The following SLX4IP variants were observed in gnomAD, a reference collection of about 807,000 sequenced individuals.
SLX4IP encodes protein SLX4IP.
In SLX4IP, 34 loss-of-function variants were observed where a neutral mutation model predicts 32.9. That is an observed-to-expected ratio of 1.03 (90% CI 0.79 to 1.38). SLX4IP has a LOEUF of 1.38. Among genes scored for constraint, SLX4IP ranks in the 40% most tolerant of loss-of-function variants. The probability of loss-of-function intolerance (pLI) is 0.00; values close to 1 mark genes in which losing one functional copy is unlikely to be tolerated. For synonymous variants in SLX4IP, 172 were observed against 171.7 expected, an observed-to-expected ratio of 1.00 and a Z score of -0.01; for missense variants, 444 against 479.0, an observed-to-expected ratio of 0.93 and a Z score of 0.68.
intron 2 of SLX4IP, among the ~76,000 whole-genome samples, chr20:10,473,192 G>C (rs969514852): frequency 1.3e-5 from 2 of 152,218 alleles, no homozygotes; most frequent in Admixed American, 1.3e-4. Flanking sequence ...TACTTAGCTT[G>C]TGAACCAGGC....
intron 2 of SLX4IP, among the ~76,000 whole-genome samples, chr20:10,546,669 A>T (rs1285435963): frequency 3.3e-5 from 5 of 152,148 alleles, no homozygotes; most frequent in Non-Finnish European, 5.9e-5. Context: ...TTTCATTGCT[A>T]TCTCCATTTT....
At chr20:10,590,891 GCAAACTGA>G (rs1197121497) in intron 4 of SLX4IP, among the ~76,000 whole-genome samples, 1 of 152,168 alleles carries the variant, frequency 6.6e-6, no homozygotes, top group African/African-American at 2.4e-5. Flanking sequence ...GTTAGAGATT[GCAAACTGA>G]CAATATAAAG....
chr20:10,622,329 A>T (rs1785140736), intron 7 of SLX4IP, among the ~76,000 whole-genome samples: 2 of 152,324 alleles, frequency 1.3e-5, no homozygotes, highest in South Asian at 4.1e-4. Context: ...GGAAAAAAAA[A>T]ATCAGTATAT....
chr20:10,560,913 A>G (rs1484004369), intron 4 of SLX4IP, 93 bp downstream of exon 4: 1 of 1,218,484 alleles, frequency 8.2e-7, no homozygotes, highest in African/African-American at 1.6e-5. Flanking sequence ...CTGTCATGTT[A>G]GTATAGTGAT....
At chr20:10,453,742 A>C (rs901701536) in intron 1 of SLX4IP, among the ~76,000 whole-genome samples, 3 of 152,098 alleles carry the variant, frequency 2.0e-5, no homozygotes, top group African/African-American at 7.2e-5. Context: ...CACTTAAAAA[A>C]AATTTTTTTT....
chr20:10,510,812 G>A (rs1467012002), intron 2 of SLX4IP, among the ~76,000 whole-genome samples: 1 of 152,034 alleles, frequency 6.6e-6, no homozygotes, highest in South Asian at 2.1e-4. Context: ...CACCATGTTC[G>A]CCAGGATGGT....
At chr20:10,550,977 GCAGGTGTTT>G (rs1192834789) in intron 2 of SLX4IP, among the ~76,000 whole-genome samples, 2 of 152,198 alleles carry the variant, frequency 1.3e-5, no homozygotes, top group Admixed American at 6.5e-5. Context: ...GTGAAACTCA[GCAGGTGTTT>G]CAGATGATCA....
At chr20:10,518,391 C>CTT (rs2065868887) in intron 2 of SLX4IP, among the ~76,000 whole-genome samples, 1 of 104,802 alleles carries the variant, frequency 9.5e-6, no homozygotes, top group Non-Finnish European at 2.2e-5. Flanking sequence ...TTCCTTCTTC[C>CTT]TTTCTTTCTT....
At chr20:10,476,952 A>T (rs1469546193) in intron 2 of SLX4IP, among the ~76,000 whole-genome samples, 1 of 152,242 alleles carries the variant, frequency 6.6e-6, no homozygotes, top group Non-Finnish European at 1.5e-5. Context: ...TTTTGCAGTT[A>T]AGCTAGATTT....
intron 2 of SLX4IP, among the ~76,000 whole-genome samples, chr20:10,465,989 T>A (rs1003022021): frequency 4.6e-5 from 7 of 152,210 alleles, no homozygotes; most frequent in Non-Finnish European, 4.4e-5. Flanking sequence ...TGGGTTAAAC[T>A]GGCTGCAGGT....
At chr20:10,583,491 G>A (rs1013099439) in intron 4 of SLX4IP, among the ~76,000 whole-genome samples, 1 of 152,096 alleles carries the variant, frequency 6.6e-6, no homozygotes, top group African/African-American at 2.4e-5. Context: ...TTAAGAAAGC[G>A]GGTCAAATGT....
chr20:10,550,338 G>A (rs888977470), intron 2 of SLX4IP, among the ~76,000 whole-genome samples: 1 of 152,126 alleles, frequency 6.6e-6, no homozygotes, highest in African/African-American at 2.4e-5. Flanking sequence ...GCTTCTCAGC[G>A]ACAGACCCAT....
At chr20:10,588,671 G>A (rs1168389113) in intron 4 of SLX4IP, among the ~76,000 whole-genome samples, 1 of 152,212 alleles carries the variant, frequency 6.6e-6, no homozygotes, top group Non-Finnish European at 1.5e-5. Context: ...CAAATACTGT[G>A]TGATCTCACT....
intron 4 of SLX4IP, among the ~76,000 whole-genome samples, chr20:10,563,584 C>G (rs1208200179): frequency 6.6e-6 from 1 of 151,932 alleles, no homozygotes; most frequent in Admixed American, 6.6e-5. Flanking sequence ...ATTTTTGTAT[C>G]CAGTGAGAGA....
intron 2 of SLX4IP, among the ~76,000 whole-genome samples, chr20:10,550,407 G>A (rs1376322347): frequency 2.0e-5 from 3 of 152,000 alleles, no homozygotes; most frequent in Non-Finnish European, 4.4e-5. Context: ...ACATGCCTTG[G>A]GCCTCACCCT....
intron 2 of SLX4IP, among the ~76,000 whole-genome samples, chr20:10,466,772 G>A (rs1002059808): frequency 2.1e-4 from 32 of 151,958 alleles, no homozygotes; most frequent in African/African-American, 5.8e-4. Flanking sequence ...GGAATTTAGG[G>A]GTGGGAAGCT....
intron 1 of SLX4IP, among the ~76,000 whole-genome samples, chr20:10,452,392 G>A (rs994978211): frequency 6.6e-6 from 1 of 151,788 alleles, no homozygotes; most frequent in Non-Finnish European, 1.5e-5. Context: ...TAGGCTGGGC[G>A]CAGTGGCTCA....
chr20:10,473,157 G>A (rs942814951), intron 2 of SLX4IP, among the ~76,000 whole-genome samples: 1 of 152,220 alleles, frequency 6.6e-6, no homozygotes, highest in African/African-American at 2.4e-5. Flanking sequence ...CCAGCATTCG[G>A]TCTGGCTGTT....
chr20:10,577,703 A>G (rs1158060070), intron 4 of SLX4IP, among the ~76,000 whole-genome samples: 2 of 152,254 alleles, frequency 1.3e-5, no homozygotes, highest in African/African-American at 4.8e-5. Context: ...CTGAGGCAAC[A>G]GAGAAAGACC....
Sources: gnomAD v4.1 joint callset for allele counts (sites outside exome capture counted in the v4.1 genomes callset) on GRCh38, gnomAD v4.1.1 for gene constraint, MANE v1.5 for transcripts, NCBI Gene and HGNC (gene_info 2026-07-23, HGNC 2026-07-21) for gene names.